The following ST3GAL3 variants were observed in gnomAD, a reference collection of about 807,000 sequenced individuals.
ST3GAL3 encodes the protein CMP-N-acetylneuraminate-beta-1,4-galactoside alpha-2,3-sialyltransferase.
A neutral mutation model predicts 50.1 loss-of-function variants in ST3GAL3; 21 were observed. That is an observed-to-expected ratio of 0.42 (90% CI 0.30 to 0.60). The LOEUF is 0.60. Among genes scored for constraint, ST3GAL3 ranks in the 20% least tolerant of loss-of-function variants. ST3GAL3 has a pLI of 0.19. For synonymous variants in ST3GAL3, 183 were observed against 190.0 expected, an observed-to-expected ratio of 0.96 and a Z score of 0.30; for missense variants, 353 against 489.4, an observed-to-expected ratio of 0.72 and a Z score of 2.63.
At chr1:43,778,313 G>A (rs1698056406) in intron 2 of ST3GAL3, among the ~76,000 whole-genome samples, 1 of 152,190 alleles carries the variant, frequency 6.6e-6, no homozygotes, top group African/African-American at 2.4e-5. Context: ...GCTAATGGAT[G>A]CTGGGCTTAA....
intron 2 of ST3GAL3, among the ~76,000 whole-genome samples, chr1:43,781,354 C>A (rs1321433398): frequency 6.6e-6 from 1 of 152,008 alleles, no homozygotes; most frequent in African/African-American, 2.4e-5. Flanking sequence ...TGCCTGTAAT[C>A]CCGGCATTTT....
At position 43,783,815 on chromosome 1, in the gene ST3GAL3, C is replaced by T. The variant is rs184696665; in HGVS notation, c.119-8287C>T. Reference sequence around the variant, plus strand: ...CCAGACTTCCTGATGTCCCTGTGAACGCTGTTGCCCTAGGGGATGTCCTGC... The same window carrying T: ...CCAGACTTCCTGATGTCCCTGTGAATGCTGTTGCCCTAGGGGATGTCCTGC... On this transcript the variant is annotated intron_variant, in intron 2 of 11. Coordinates refer to ENST00000347631, the MANE Select transcript of ST3GAL3 (RefSeq NM_006279.5). Among the ~76,000 whole-genome samples the T allele has an allele frequency of 3.0e-4, 46 of 152,176 alleles. 1 individual carries two copies. Among genetic ancestry groups the T allele is most frequent in the Admixed American group, 2.8e-3 (43 of 15,290 alleles).
intron 2 of ST3GAL3, among the ~76,000 whole-genome samples, chr1:43,740,621 G>A (rs1469563722): frequency 6.6e-6 from 1 of 151,868 alleles, no homozygotes. Context: ...CCTGGGTAAT[G>A]TCACGAGGCC....
intron 1 of ST3GAL3, among the ~76,000 whole-genome samples, chr1:43,731,322 C>T (rs1336907823): frequency 6.6e-6 from 1 of 152,058 alleles, no homozygotes; most frequent in Admixed American, 6.6e-5. Flanking sequence ...AGCGATTCCC[C>T]TGCCTCAGCG....
chr1:43,888,158 A>G (rs1298316546), intron 5 of ST3GAL3, among the ~76,000 whole-genome samples: 5 of 152,218 alleles, frequency 3.3e-5, no homozygotes, highest in Non-Finnish European at 5.9e-5. Flanking sequence ...ATGGAACTAG[A>G]TAAAATTGGA....
At chr1:43,897,326 C>T (rs1338409788) in intron 6 of ST3GAL3, among the ~76,000 whole-genome samples, 1 of 151,964 alleles carries the variant, frequency 6.6e-6, no homozygotes, top group Non-Finnish European at 1.5e-5. Context: ...TCTTTGTGTA[C>T]GTTATTTTAT....
At chr1:43,871,470 G>A (rs1452949945) in intron 5 of ST3GAL3, among the ~76,000 whole-genome samples, 2 of 139,568 alleles carry the variant, frequency 1.4e-5, no homozygotes, top group East Asian at 5.0e-4. Flanking sequence ...AGGATGGGGT[G>A]TGAGGGAGAG....
At chr1:43,711,151 A>T (rs1432391523) in intron 1 of ST3GAL3, among the ~76,000 whole-genome samples, 1 of 152,254 alleles carries the variant, frequency 6.6e-6, no homozygotes, top group Non-Finnish European at 1.5e-5. Context: ...CTGCACTAAC[A>T]AAAACCTCAA....
intron 5 of ST3GAL3, among the ~76,000 whole-genome samples, chr1:43,879,956 C>T (rs1207528507): frequency 1.3e-5 from 2 of 152,218 alleles, no homozygotes; most frequent in Non-Finnish European, 2.9e-5. Flanking sequence ...GCCTTGGCGA[C>T]ACACAAACAC....
At chr1:43,718,410 C>T (rs958952662) in intron 1 of ST3GAL3, among the ~76,000 whole-genome samples, 6 of 151,242 alleles carry the variant, frequency 4.0e-5, no homozygotes, top group African/African-American at 1.2e-4. Flanking sequence ...AGGATGGTCT[C>T]GATCTCCCGA....
chr1:43,923,193 G>A (rs1297173714), intron 11 of ST3GAL3, among the ~76,000 whole-genome samples: 1 of 151,178 alleles, frequency 6.6e-6, no homozygotes, highest in African/African-American at 2.4e-5. Context: ...TTGAGCCCAG[G>A]AAGTCAAGGC....
intron 2 of ST3GAL3, among the ~76,000 whole-genome samples, chr1:43,764,244 T>C (rs1020641995): frequency 3.3e-5 from 5 of 152,214 alleles, no homozygotes; most frequent in African/African-American, 9.6e-5. Context: ...AGAGGGGCCC[T>C]CAAAATGTCT....
At chr1:43,719,312 T>C (rs1669119174) in intron 1 of ST3GAL3, among the ~76,000 whole-genome samples, 1 of 142,214 alleles carries the variant, frequency 7.0e-6, no homozygotes, top group Non-Finnish European at 1.6e-5. Flanking sequence ...AAAACTACCA[T>C]GAGATGCTAC....
intron 6 of ST3GAL3, among the ~76,000 whole-genome samples, chr1:43,895,988 T>C (rs2077336678): frequency 6.6e-6 from 1 of 152,238 alleles, no homozygotes; most frequent in Non-Finnish European, 1.5e-5. Context: ...AGTAGCAATA[T>C]GCTCTTCCTT....
chr1:43,769,311 AT>A (rs2154130486), intron 2 of ST3GAL3, among the ~76,000 whole-genome samples: 2 of 152,308 alleles, frequency 1.3e-5, no homozygotes, highest in East Asian at 3.9e-4. Context: ...TAAGGGTGAA[AT>A]TTTGAAAGTT....
chr1:43,786,519 G>C (rs1390584969), intron 2 of ST3GAL3, among the ~76,000 whole-genome samples: 1 of 152,196 alleles, frequency 6.6e-6, no homozygotes, highest in Non-Finnish European at 1.5e-5. Context: ...CAGCCTGGGT[G>C]CCACCTCCTC....
intron 1 of ST3GAL3, among the ~76,000 whole-genome samples, chr1:43,735,210 G>C (rs568967478): frequency 1.4e-4 from 22 of 152,160 alleles, no homozygotes; most frequent in Non-Finnish European, 2.9e-4. Flanking sequence ...GCTCTTTAAA[G>C]ATATCCACAC....
At position 43,806,018 on chromosome 1, in the gene ST3GAL3, A is replaced by G. The variant is rs61768438; in HGVS notation, c.167-8873A>G. ...CAAAGTGCTGGGATTACAGGCGTGAACCACCGTGCCCGGCAAGGAATACTT... is the reference window on the plus strand; with the variant it reads ...CAAAGTGCTGGGATTACAGGCGTGAGCCACCGTGCCCGGCAAGGAATACTT... On this transcript the variant is annotated intron_variant, in intron 3 of 11. Transcript: ENST00000347631. 5.0e-3 allele frequency among the ~76,000 whole-genome samples: 765 copies of G among 152,142 alleles called. 4 individuals carry two copies. Among genetic ancestry groups the G allele is most frequent in the Middle Eastern group, 0.017 (5 of 292 alleles).
intron 2 of ST3GAL3, among the ~76,000 whole-genome samples, chr1:43,769,838 G>T (rs150621991): frequency 3.6e-4 from 55 of 152,248 alleles, no homozygotes; most frequent in Admixed American, 2.9e-3. Context: ...TGTATTTTAT[G>T]TACTAGTTCT....
Sources: allele counts gnomAD v4.1 joint callset (sites outside exome capture counted in the v4.1 genomes callset), GRCh38; gene constraint gnomAD v4.1.1; transcripts MANE v1.5; gene names NCBI Gene and HGNC (gene_info 2026-07-23, HGNC 2026-07-21).